Variants in SLIT3 observed in about 807,000 individuals in gnomAD.
SLIT3 encodes the protein slit guidance ligand 3.
SLIT3 carries 68 observed loss-of-function variants against 184.0 expected under a neutral mutation model. The ratio of observed to expected loss-of-function variants is 0.37; its 90% CI spans 0.30 to 0.45. SLIT3 has a LOEUF of 0.45. Among genes scored for constraint, SLIT3 ranks in the 20% least tolerant of loss-of-function variants. The probability of loss-of-function intolerance (pLI) is 1.00; values close to 1 mark genes in which losing one functional copy is unlikely to be tolerated. For synonymous variants in SLIT3, 831 were observed against 828.6 expected (o/e 1.00, Z -0.05); for missense variants, 1,707 against 2,026.0 (o/e 0.84, Z 3.02).
At chr5:169,142,823 G>T (rs1394125332) in intron 4 of SLIT3, among the ~76,000 whole-genome samples, 1 of 152,192 alleles carries the variant, frequency 6.6e-6, no homozygotes, top group African/African-American at 2.4e-5. Context: ...CACAGTAATT[G>T]GTCCACGTGA....
chr5:168,891,341 G>A (rs146701893), intron 4 of SLIT3, among the ~76,000 whole-genome samples: 257 of 152,206 alleles, frequency 1.7e-3, no homozygotes, highest in African/African-American at 5.5e-3. Context: ...TCAGGAGCCC[G>A]GGGAGGCTGA....
At chr5:169,062,167 G>A (rs1054061923) in intron 4 of SLIT3, among the ~76,000 whole-genome samples, 2 of 152,126 alleles carry the variant, frequency 1.3e-5, no homozygotes, top group African/African-American at 4.8e-5. Flanking sequence ...CTGGGCGACA[G>A]AGCGAGACTC....
intron 2 of SLIT3, among the ~76,000 whole-genome samples, chr5:169,245,856 T>C (rs571080163): frequency 6.6e-6 from 1 of 152,148 alleles, no homozygotes; most frequent in African/African-American, 2.4e-5. Flanking sequence ...TGTGTTTAGT[T>C]CCCAAGTCTA....
chr5:169,006,961 T>C (rs1175596173), intron 4 of SLIT3, among the ~76,000 whole-genome samples: 3 of 147,382 alleles, frequency 2.0e-5, no homozygotes, highest in South Asian at 4.6e-4. Flanking sequence ...CAACCTGTAA[T>C]GTGGTTAGGA....
At chr5:169,062,016 C>T (rs1758188626) in intron 4 of SLIT3, among the ~76,000 whole-genome samples, 1 of 152,014 alleles carries the variant, frequency 6.6e-6, no homozygotes, top group Admixed American at 6.6e-5. Flanking sequence ...AACCCCGTCT[C>T]TACTAAAAAC....
chr5:169,068,193 A>G (rs1195854105), intron 4 of SLIT3, among the ~76,000 whole-genome samples: 2 of 152,196 alleles, frequency 1.3e-5, no homozygotes, highest in Non-Finnish European at 2.9e-5. Flanking sequence ...AACTCTCACT[A>G]TGTTTTAAGA....
intron 20 of SLIT3, among the ~76,000 whole-genome samples, chr5:168,732,715 G>T (rs1179925016): frequency 6.6e-6 from 1 of 151,942 alleles, no homozygotes; most frequent in African/African-American, 2.4e-5. Context: ...TATACACTGG[G>T]GAAATGACAC....
At chr5:169,177,373 T>C (rs1044516067) in intron 4 of SLIT3, among the ~76,000 whole-genome samples, 2 of 152,194 alleles carry the variant, frequency 1.3e-5, no homozygotes, top group African/African-American at 4.8e-5. Flanking sequence ...CAGCATCCCA[T>C]GGAGGAATCA....
chr5:169,039,549 C>G (rs1230277047), intron 4 of SLIT3, among the ~76,000 whole-genome samples: 1 of 152,070 alleles, frequency 6.6e-6, no homozygotes, highest in Admixed American at 6.5e-5. Flanking sequence ...AATCTCCTGA[C>G]CTCGTGATCC....
At chr5:169,292,954 T>G (rs945663380) in intron 1 of SLIT3, among the ~76,000 whole-genome samples, 3 of 152,172 alleles carry the variant, frequency 2.0e-5, no homozygotes, top group Non-Finnish European at 4.4e-5. Context: ...AAGGTTCTTT[T>G]GAATGCGCTG....
At chr5:169,125,783 G>A (rs1761056705) in intron 4 of SLIT3, among the ~76,000 whole-genome samples, 1 of 152,196 alleles carries the variant, frequency 6.6e-6, no homozygotes, top group Admixed American at 6.5e-5. Flanking sequence ...TCTAATTCCT[G>A]CCAACGAACG....
chr5:168,967,732 G>A (rs557581751), intron 4 of SLIT3, among the ~76,000 whole-genome samples: 12 of 152,076 alleles, frequency 7.9e-5, no homozygotes, highest in Non-Finnish European at 1.2e-4. Context: ...GAGCCACCGC[G>A]CCCGGCCCAT....
rs1379518311 is a variant in SLIT3, at chr5:168,664,627, G to C, written c.*1827C>G. On this transcript the variant is annotated 3_prime_UTR_variant, in exon 36 of 36. Transcript: ENST00000519560. ...ACCATTGGTACTCACAGATCAACTA[G>C]GCTCCTCTAGGGAACCTGAGGGCTG... The C allele has an allele frequency of 6.6e-6, 1 of 152,044 alleles. No individual in the cohort carries two copies. Among genetic ancestry groups the C allele is most frequent in the Non-Finnish European group, 1.5e-5 (1 of 68,040 alleles). 9.4% of individuals were successfully genotyped at this position (152,044 alleles called of 1,614,324 possible). A position where few individuals can be genotyped will look rare whatever the true frequency, so the allele number is the denominator to read the frequency against.
At chr5:169,288,341 T>C (rs1490490147) in intron 1 of SLIT3, among the ~76,000 whole-genome samples, 5 of 110,598 alleles carry the variant, frequency 4.5e-5, no homozygotes, top group African/African-American at 1.7e-4. Flanking sequence ...CTCAGATTAA[T>C]ATTTCCCCCT....
At chr5:168,897,478 T>G (rs1760708584) in intron 4 of SLIT3, among the ~76,000 whole-genome samples, 1 of 150,918 alleles carries the variant, frequency 6.6e-6, no homozygotes, top group African/African-American at 2.4e-5. Context: ...ACTGACACAG[T>G]GGGACAGAGA....
chr5:168,737,265 AC>A (rs1763467782), intron 20 of SLIT3, among the ~76,000 whole-genome samples: 1 of 151,888 alleles, frequency 6.6e-6, no homozygotes, highest in South Asian at 2.1e-4. Flanking sequence ...AGCTTTCTGG[AC>A]CCCAGACCTC....
chr5:169,015,979 CACACACAA>C (rs778877137), intron 4 of SLIT3, among the ~76,000 whole-genome samples: 10,823 of 112,304 alleles, frequency 0.096, 495 homozygotes, highest in East Asian at 0.22. Context: ...CACACACACA[CACACACAA>C]CTTTCTGTCT....
chr5:169,208,871 A>G (rs1483910676), intron 3 of SLIT3, among the ~76,000 whole-genome samples: 2 of 152,210 alleles, frequency 1.3e-5, no homozygotes. Context: ...AACCTAGGCA[A>G]TACAATTCAG....
At chr5:168,774,115 C>A (rs1360221136) in intron 13 of SLIT3, 120 bp downstream of exon 13, 3 of 941,120 alleles carry the variant, frequency 3.2e-6, no homozygotes, top group Non-Finnish European at 4.8e-6. Context: ...AGCTTCCCTG[C>A]AGGCTCTAGA....
Sources: gnomAD v4.1 joint callset for allele counts (sites outside exome capture counted in the v4.1 genomes callset) on GRCh38, gnomAD v4.1.1 for gene constraint, MANE v1.5 for transcripts, NCBI Gene and HGNC (gene_info 2026-07-23, HGNC 2026-07-21) for gene names.